Variants in PIK3C2G observed in about 807,000 individuals in gnomAD.
PIK3C2G encodes phosphatidylinositol 3-kinase C2 domain-containing subunit gamma.
In PIK3C2G, 168 loss-of-function variants were observed where a neutral mutation model predicts 181.1. That is an observed-to-expected ratio of 0.93 (90% CI 0.82 to 1.05). The LOEUF (loss-of-function observed/expected upper bound fraction) is 1.05, where lower values mean the gene tolerates loss of function less well. Ranked by LOEUF, PIK3C2G falls within the 50% of genes least tolerant of loss-of-function variation. The pLI is 0.00. For missense variants in PIK3C2G, 1,869 were observed against 1,732.8 expected (o/e 1.08, Z -1.40); for synonymous variants, 573 against 592.2 (o/e 0.97, Z 0.47).
chr12:18,381,696 A>T, intron 13 of PIK3C2G, 70 bp from the exon 14 acceptor site: 1 of 908,930 alleles, frequency 1.1e-6, no homozygotes, highest in South Asian at 1.4e-5. Flanking sequence ...AAAAGAAAAC[A>T]TTTACAGATA....
chr12:18,636,443 C>T (rs1949607003), intron 31 of PIK3C2G, among the ~76,000 whole-genome samples: 1 of 152,076 alleles, frequency 6.6e-6, no homozygotes, highest in Non-Finnish European at 1.5e-5. Flanking sequence ...GTTGGTCAGG[C>T]TGGTCTCGAA....
At chr12:18,373,763 G>A (rs1942238270) in intron 13 of PIK3C2G, among the ~76,000 whole-genome samples, 1 of 151,976 alleles carries the variant, frequency 6.6e-6, no homozygotes, top group Non-Finnish European at 1.5e-5. Flanking sequence ...TGAGGCAGGA[G>A]AATGGCGTGA....
chr12:18,371,177 C>G lies in PIK3C2G; in HGVS notation c.1749-3C>G. 6.2e-7 allele frequency: 1 copy of G among 1,601,920 alleles called. No homozygotes were observed. Among genetic ancestry groups the G allele is most frequent in the South Asian group, 1.1e-5 (1 of 88,842 alleles). ...TAATGCTTCTTCTTTCTTTTATTCTCAGGATCAATTTTCCCCTTGAAATAA... is the reference window on the plus strand; with the variant it reads ...TAATGCTTCTTCTTTCTTTTATTCTGAGGATCAATTTTCCCCTTGAAATAA... On this transcript the variant is annotated splice_region_variant and splice_polypyrimidine_tract_variant and intron_variant, in intron 12 of 32. Coordinates refer to ENST00000538779, the MANE Select transcript of PIK3C2G (RefSeq NM_001288772.2).
intron 32 of PIK3C2G, among the ~76,000 whole-genome samples, chr12:18,643,972 C>A (rs561222212): frequency 1.3e-5 from 2 of 152,248 alleles, no homozygotes; most frequent in South Asian, 4.1e-4. Context: ...ACACTGCATA[C>A]CAATGTCTTA....
chr12:18,615,511 A>G (rs1346058870), intron 31 of PIK3C2G, among the ~76,000 whole-genome samples: 3 of 151,590 alleles, frequency 2.0e-5, no homozygotes, highest in Non-Finnish European at 4.4e-5. Context: ...TATTTTTGCA[A>G]TTGCAAATTG....
chr12:18,725,174 T>C, the PIK3C2G span, among the ~76,000 whole-genome samples: 1 of 152,154 alleles, frequency 6.6e-6, no homozygotes, highest in South Asian at 2.1e-4. Context: ...GTTGTATCAC[T>C]GAAGAGGGGA....
intron 18 of PIK3C2G, among the ~76,000 whole-genome samples, chr12:18,453,518 G>C (rs111899408): frequency 6.6e-5 from 10 of 152,088 alleles, no homozygotes; most frequent in African/African-American, 2.4e-4. Context: ...AAAAGTTTTG[G>C]TGACCTGTGC....
the PIK3C2G span, among the ~76,000 whole-genome samples, chr12:18,662,746 A>G: frequency 1.3e-5 from 2 of 152,112 alleles, no homozygotes; most frequent in South Asian, 4.1e-4. Flanking sequence ...GCAGAATCTC[A>G]TATGTTACTG....
intron 31 of PIK3C2G, among the ~76,000 whole-genome samples, chr12:18,616,935 G>A (rs576190625): frequency 6.6e-6 from 1 of 152,186 alleles, no homozygotes; most frequent in South Asian, 2.1e-4. Flanking sequence ...TTATCCAGTA[G>A]TTAAAATACT....
rs80001973 is a variant in PIK3C2G at position 18,418,880 on chromosome 12, T to A, written c.2316-2061T>A. 7.0e-3 allele frequency among the ~76,000 whole-genome samples: 1,066 copies of A among 152,204 alleles called. 6 individuals carry two copies. The highest frequency in any genetic ancestry group is 0.019 in the African/African-American group (781 of 41,540). On this transcript the variant is annotated intron_variant, in intron 16 of 32. Coordinates refer to ENST00000538779, the MANE Select transcript of PIK3C2G (RefSeq NM_001288772.2). ...AATATTGCTGGAACAGCTTCACAGGTAAATTGATGCTTGAGCTTGGAGTTC... is the reference window on the plus strand; with the variant it reads ...AATATTGCTGGAACAGCTTCACAGGAAAATTGATGCTTGAGCTTGGAGTTC...
rs1592662597 is a variant in PIK3C2G at position 18,591,167 on chromosome 12, C to A, written c.4012-3327C>A. 1.3e-5 allele frequency among the ~76,000 whole-genome samples: 2 copies of A among 151,980 alleles called. 1 individual carries two copies. Among genetic ancestry groups the A allele is most frequent in the South Asian group, 4.1e-4 (2 of 4,828 alleles). On this transcript the variant is annotated intron_variant, in intron 29 of 32. Coordinates refer to ENST00000538779, the MANE Select transcript of PIK3C2G (RefSeq NM_001288772.2). ...TATGAGTCCATTTCTTAAAAGTAGA[C>A]TTCTATTAAACAAGTTCACAAGAGA...
the PIK3C2G span, among the ~76,000 whole-genome samples, chr12:18,685,039 C>G: frequency 6.6e-6 from 1 of 152,014 alleles, no homozygotes; most frequent in African/African-American, 2.4e-5. Context: ...GTCAATTAAA[C>G]CTCTTTCCTT....
At chr12:18,312,663 G>A (rs1047953033) in intron 5 of PIK3C2G, among the ~76,000 whole-genome samples, 3 of 152,172 alleles carry the variant, frequency 2.0e-5, no homozygotes, top group South Asian at 2.1e-4. Flanking sequence ...ACAACTCAGC[G>A]AACAGTGTAA....
downstream of PIK3C2G, among the ~76,000 whole-genome samples, chr12:18,653,115 A>G (rs1010691266): frequency 1.3e-5 from 2 of 152,064 alleles, no homozygotes; most frequent in African/African-American, 4.8e-5. Context: ...AAAATAAATG[A>G]GGTTATAGAT....
intron 12 of PIK3C2G, among the ~76,000 whole-genome samples, chr12:18,364,323 A>G (rs73064586): frequency 0.14 from 21,932 of 152,124 alleles, 2,031 homozygotes; most frequent in Admixed American, 0.27. Flanking sequence ...TGGGAAACAC[A>G]TAATTATCTT....
chr12:18,514,228 T>C (rs950163006), intron 24 of PIK3C2G, among the ~76,000 whole-genome samples: 1 of 151,876 alleles, frequency 6.6e-6, no homozygotes, highest in African/African-American at 2.4e-5. Flanking sequence ...CTTGAATTTG[T>C]TGTTTTCTTT....
At chr12:18,540,887 A>G (rs1195235007) in intron 25 of PIK3C2G, among the ~76,000 whole-genome samples, 2 of 151,892 alleles carry the variant, frequency 1.3e-5, no homozygotes, top group Non-Finnish European at 2.9e-5. Flanking sequence ...GTTTCTGTTC[A>G]TTTACCTCTC....
intron 18 of PIK3C2G, among the ~76,000 whole-genome samples, chr12:18,448,851 C>A (rs1483828183): frequency 6.6e-6 from 1 of 150,984 alleles, no homozygotes; most frequent in African/African-American, 2.4e-5. Flanking sequence ...GGAGATATAT[C>A]TCCACCACAA....
intron 16 of PIK3C2G, among the ~76,000 whole-genome samples, chr12:18,419,341 G>A (rs1945348612): frequency 6.6e-6 from 1 of 152,124 alleles, no homozygotes; most frequent in Non-Finnish European, 1.5e-5. Flanking sequence ...AACTTAACAA[G>A]TCATCACTTA....
Sources: allele counts gnomAD v4.1 joint callset (sites outside exome capture counted in the v4.1 genomes callset), GRCh38; gene constraint gnomAD v4.1.1; transcripts MANE v1.5; gene names NCBI Gene and HGNC (gene_info 2026-07-23, HGNC 2026-07-21).